Variants in SGPP2 observed in about 807,000 individuals in gnomAD.
The protein encoded by SGPP2 is sphingosine 1-phosphate phosphohydrolase 2.
A neutral mutation model predicts 33.9 loss-of-function variants in SGPP2; 30 were observed. That is an observed-to-expected ratio of 0.89 (90% CI 0.66 to 1.20). SGPP2 has a LOEUF of 1.20. SGPP2 is among the 50% of genes most tolerant of loss of function. The probability of loss-of-function intolerance (pLI) is 0.00; values close to 1 mark genes in which losing one functional copy is unlikely to be tolerated. For synonymous variants in SGPP2, 233 were observed against 225.0 expected (o/e 1.04, Z -0.32); for missense variants, 458 against 532.1 (o/e 0.86, Z 1.37).
At chr2:222,540,590 A>C (rs1461222162) in intron 4 of SGPP2, among the ~76,000 whole-genome samples, 1 of 152,108 alleles carries the variant, frequency 6.6e-6, no homozygotes, top group Non-Finnish European at 1.5e-5. Context: ...TCCCAGCAGA[A>C]CACCTGGGAA....
chr2:222,475,124 A>G (rs545240598), intron 2 of SGPP2, among the ~76,000 whole-genome samples: 43 of 152,244 alleles, frequency 2.8e-4, no homozygotes, highest in East Asian at 7.7e-4. Flanking sequence ...CTAAACTAAA[A>G]GCCAAGGTGG....
chr2:222,473,368 T>C (rs1277683515), intron 1 of SGPP2, among the ~76,000 whole-genome samples: 2 of 152,136 alleles, frequency 1.3e-5, no homozygotes, highest in African/African-American at 4.8e-5. Flanking sequence ...ACTCTCTCCA[T>C]CATCAAAGCC....
intron 2 of SGPP2, among the ~76,000 whole-genome samples, chr2:222,515,582 G>T (rs1012826705): frequency 6.6e-6 from 1 of 151,910 alleles, no homozygotes; most frequent in African/African-American, 2.4e-5. Flanking sequence ...ACCTGCCTTG[G>T]CCTCCCAAAG....
At chr2:222,463,432 C>T (rs1337760451) in intron 1 of SGPP2, among the ~76,000 whole-genome samples, 1 of 152,010 alleles carries the variant, frequency 6.6e-6, no homozygotes, top group Non-Finnish European at 1.5e-5. Context: ...CATAGTAAGG[C>T]CCTGTCTCTA....
chr2:222,504,876 T>C (rs1034672446), intron 2 of SGPP2: 1 of 152,192 alleles, frequency 6.6e-6, no homozygotes, highest in African/African-American at 2.4e-5. Flanking sequence ...GCAAAAAAGG[T>C]GAGGCTTCTA....
Position 222,461,163 on chromosome 2 carries a change from A to G in SGPP2, c.220-13405A>G, listed in dbSNP as rs576167221. On this transcript the variant is annotated intron_variant, in intron 1 of 4. Transcript: ENST00000321276. ...CATTGTTAATAGAAATGCAAATACA[A>G]TGACCATTTATTGAACACATGCTGT... Among the ~76,000 whole-genome samples the G allele has an allele frequency of 1.3e-4, 20 of 152,360 alleles. No individual in the cohort carries two copies. The South Asian group carries it at 1.7e-3, about 13-fold the overall frequency.
intron 2 of SGPP2, among the ~76,000 whole-genome samples, chr2:222,489,875 G>A (rs527555898): frequency 9.5e-4 from 144 of 152,278 alleles, no homozygotes; most frequent in African/African-American, 3.3e-3. Context: ...TGAGGCAGGA[G>A]AATCACTTGA....
chr2:222,546,825 CAAAAAAA>C (rs5838955), intron 4 of SGPP2, among the ~76,000 whole-genome samples: 17 of 116,618 alleles, frequency 1.5e-4, no homozygotes, highest in South Asian at 2.7e-4. Context: ...ACACATGTTG[CAAAAAAA>C]AAAAAAAAAA....
At chr2:222,514,789 C>G (rs1430747849) in intron 2 of SGPP2, among the ~76,000 whole-genome samples, 7 of 152,184 alleles carry the variant, frequency 4.6e-5, no homozygotes, top group African/African-American at 1.7e-4. Context: ...CCTCCTCCCT[C>G]TAAATGCCAA....
chr2:222,434,216 A>G (rs1559142348), intron 1 of SGPP2, among the ~76,000 whole-genome samples: 1 of 152,212 alleles, frequency 6.6e-6, no homozygotes, highest in Non-Finnish European at 1.5e-5. Flanking sequence ...GATACATTCC[A>G]TATACTGAGA....
chr2:222,484,876 A>G (rs1319461345), intron 2 of SGPP2, among the ~76,000 whole-genome samples: 1 of 152,250 alleles, frequency 6.6e-6, no homozygotes, highest in East Asian at 1.9e-4. Flanking sequence ...GGACTTTCAG[A>G]TAAAATTTTC....
intron 1 of SGPP2, among the ~76,000 whole-genome samples, chr2:222,468,154 T>C (rs141242900): frequency 1.4e-3 from 209 of 152,040 alleles, no homozygotes; most frequent in African/African-American, 5.0e-3. Flanking sequence ...GATTTTCAGA[T>C]TGATTACTGA....
chr2:222,425,033 G>A (rs1453130011), intron 1 of SGPP2, among the ~76,000 whole-genome samples: 1 of 152,242 alleles, frequency 6.6e-6, no homozygotes, highest in African/African-American at 2.4e-5. Flanking sequence ...CGGGTCTATT[G>A]AGATATCCCC....
intron 1 of SGPP2, among the ~76,000 whole-genome samples, chr2:222,426,239 AAAACAAACAAACAAAC>A (rs1256838372): frequency 6.7e-6 from 1 of 148,896 alleles, no homozygotes; most frequent in African/African-American, 2.5e-5. Context: ...AAAAAAGACC[AAAACAAACAAACAAAC>A]AAACAAAAAA....
chr2:222,432,206 G>C (rs909905242), intron 1 of SGPP2, among the ~76,000 whole-genome samples: 1 of 152,168 alleles, frequency 6.6e-6, no homozygotes, highest in Admixed American at 6.5e-5. Flanking sequence ...AGTATGGAGG[G>C]AGCCCAGTGG....
At chr2:222,504,989 G>A (rs1273769088) in intron 2 of SGPP2, 1 of 152,198 alleles carries the variant, frequency 6.6e-6, no homozygotes, top group Non-Finnish European at 1.5e-5. Context: ...TGGATAGCAA[G>A]GCTTACAAGT....
intron 1 of SGPP2, among the ~76,000 whole-genome samples, chr2:222,437,212 TC>T (rs1697255341): frequency 6.6e-6 from 1 of 152,206 alleles, no homozygotes; most frequent in African/African-American, 2.4e-5. Flanking sequence ...AATTTTCCAA[TC>T]CTGCTTCTTC....
chr2:222,425,838 C>A (rs1386322174), intron 1 of SGPP2, among the ~76,000 whole-genome samples: 1 of 152,098 alleles, frequency 6.6e-6, no homozygotes, highest in Non-Finnish European at 1.5e-5. Flanking sequence ...TTACGAAGAA[C>A]CTGGCTTCTG....
chr2:222,452,709 G>C, intron 1 of SGPP2: 2 of 1,376,770 alleles, frequency 1.5e-6, no homozygotes, highest in South Asian at 1.2e-5. Flanking sequence ...ATTGCTCCAG[G>C]TCTGGTTGCT....
Sources: gnomAD v4.1 joint callset for allele counts (sites outside exome capture counted in the v4.1 genomes callset) on GRCh38, gnomAD v4.1.1 for gene constraint, MANE v1.5 for transcripts, NCBI Gene and HGNC (gene_info 2026-07-23, HGNC 2026-07-21) for gene names.